Variants in IL1RAPL1 observed in about 807,000 individuals in gnomAD.
IL1RAPL1 encodes the protein interleukin-1 receptor accessory protein-like 1.
A neutral mutation model predicts 48.4 loss-of-function variants in IL1RAPL1; 3 were observed. The ratio of observed to expected loss-of-function variants is 0.06; its 90% CI spans 0.03 to 0.16. IL1RAPL1 has a LOEUF of 0.16. IL1RAPL1 is among the 10% of genes least tolerant of loss of function. The probability of loss-of-function intolerance (pLI) is 1.00; values close to 1 mark genes in which losing one functional copy is unlikely to be tolerated. For synonymous variants in IL1RAPL1, 185 were observed against 187.7 expected, an observed-to-expected ratio of 0.99 and a Z score of 0.12; for missense variants, 349 against 530.6, an observed-to-expected ratio of 0.66 and a Z score of 3.36.
intron 6 of IL1RAPL1, among the ~76,000 whole-genome samples, chrX:29,782,888 ATTTTTTTTTTTTTTTT>A (rs780831874): frequency 5.5e-4 from 17 of 31,076 alleles, no homozygotes; most frequent in East Asian, 3.0e-3. Context: ...TGATCGTGAC[ATTTTTTTTTTTTTTTT>A]TTTTTTTTTT....
intron 2 of IL1RAPL1, among the ~76,000 whole-genome samples, chrX:28,955,755 T>G (rs773254496): frequency 9.7e-6 from 1 of 102,591 alleles, no homozygotes; most frequent in African/African-American, 3.7e-5. Flanking sequence ...ATTGACTTGG[T>G]GATGCGGGCT....
rs760675468 is a variant in IL1RAPL1 at position 29,277,613 on chromosome X, G to A, written c.83-5325G>A. ...TGTTTGTTTGTTTCTCCAACAACAA[G>A]AGTTGCTGCTGCAAAGTGAGAGTCG... On this transcript the variant is annotated intron_variant, in intron 2 of 10. Coordinates refer to ENST00000378993, the MANE Select transcript of IL1RAPL1 (RefSeq NM_014271.4). 1.2e-4 allele frequency among the ~76,000 whole-genome samples: 14 copies of A among 112,072 alleles called. No individual in the cohort carries two copies. In the South Asian group the frequency reaches 4.8e-3, roughly 39 times the overall value.
At chrX:29,847,352 T>C (rs763307447) in intron 6 of IL1RAPL1, among the ~76,000 whole-genome samples, 9 of 111,832 alleles carry the variant, frequency 8.0e-5, no homozygotes, top group Non-Finnish European at 1.5e-4. Context: ...AAGCTTGACA[T>C]CAGAAGGCCT....
intron 2 of IL1RAPL1, among the ~76,000 whole-genome samples, chrX:28,919,141 A>G (rs769775214): frequency 9.0e-6 from 1 of 111,455 alleles, no homozygotes; most frequent in East Asian, 2.8e-4. Flanking sequence ...ATACTTCCCT[A>G]CGGGGACATG....
At chrX:28,605,338 C>G (rs1056056691) in intron 1 of IL1RAPL1, among the ~76,000 whole-genome samples, 3 of 112,189 alleles carry the variant, frequency 2.7e-5, no homozygotes, top group Non-Finnish European at 5.6e-5. Context: ...CTACTTTGTT[C>G]GCAATTTTCC....
intron 8 of IL1RAPL1, among the ~76,000 whole-genome samples, chrX:29,929,690 A>G (rs1307096887): frequency 1.8e-5 from 2 of 111,900 alleles, no homozygotes; most frequent in African/African-American, 6.5e-5. Context: ...AATTCATGCA[A>G]ACTAAAGTGG....
chrX:29,313,255 G>GTA (rs1289080322), intron 3 of IL1RAPL1, among the ~76,000 whole-genome samples: 1 of 78,870 alleles, frequency 1.3e-5, no homozygotes, highest in African/African-American at 4.3e-5. Context: ...ATACAAGCCT[G>GTA]TGTGTGTGTG....
intron 2 of IL1RAPL1, among the ~76,000 whole-genome samples, chrX:29,089,749 AATATATATAT>A (rs1159198583): frequency 0.022 from 368 of 16,971 alleles, 19 homozygotes; most frequent in African/African-American, 0.079. Context: ...GAGAAATATG[AATATATATAT>A]ATATATATAT....
chrX:29,592,900 G>A (rs952789384), intron 5 of IL1RAPL1, among the ~76,000 whole-genome samples: 1 of 111,660 alleles, frequency 9.0e-6, no homozygotes, highest in African/African-American at 3.3e-5. Context: ...CACTGTCACT[G>A]TAAGAAATTG....
At chrX:29,533,429 A>G (rs1468721238) in intron 5 of IL1RAPL1, among the ~76,000 whole-genome samples, 1 of 112,475 alleles carries the variant, frequency 8.9e-6, no homozygotes, top group Admixed American at 9.4e-5. Flanking sequence ...ATTGTAGCAT[A>G]TATCAACATT....
chrX:29,143,741 T>C (rs1159322958), intron 2 of IL1RAPL1, among the ~76,000 whole-genome samples: 2 of 112,245 alleles, frequency 1.8e-5, no homozygotes, highest in Non-Finnish European at 3.8e-5. Context: ...TATTTTATTA[T>C]TCGTTGTTAA....
intron 9 of IL1RAPL1, among the ~76,000 whole-genome samples, chrX:29,943,371 G>T (rs1336065168): frequency 9.0e-6 from 1 of 111,326 alleles, no homozygotes; most frequent in East Asian, 2.8e-4. Flanking sequence ...AACATCCTGA[G>T]GTCAATATTG....
intron 2 of IL1RAPL1, among the ~76,000 whole-genome samples, chrX:28,809,595 A>G (rs1936768715): frequency 9.0e-6 from 1 of 110,609 alleles, no homozygotes; most frequent in Non-Finnish European, 1.9e-5. Flanking sequence ...AGAATCATGC[A>G]GTGAGTCAAA....
chrX:29,500,857 G>A (rs766555138), intron 5 of IL1RAPL1, among the ~76,000 whole-genome samples: 1 of 110,255 alleles, frequency 9.1e-6, no homozygotes, highest in Admixed American at 9.7e-5. Context: ...TAGATAATAT[G>A]GTAGCTCTAT....
At chrX:28,708,500 G>A (rs1476329888) in intron 1 of IL1RAPL1, among the ~76,000 whole-genome samples, 1 of 111,535 alleles carries the variant, frequency 9.0e-6, no homozygotes, top group African/African-American at 3.3e-5. Flanking sequence ...ATATATCAAA[G>A]GGATACCTGT....
chrX:29,283,188 G>C lies in IL1RAPL1; in HGVS notation c.333G>C (p.Gln111His), dbSNP rs1185867220. ...DSIWFRPTLLQDSGLYACVIR... is the reference protein window; with the variant it reads ...DSIWFRPTLLHDSGLYACVIR... ...TTTGGTTCCGGCCAACATTGCTACA[G>C]GACAGTGGTCTCTACGCCTGTGTCA... Residue 111 changes from glutamine to histidine, a missense_variant, in exon 3 of 11, where the codon CAG (glutamine) becomes CAC (histidine). Transcript: ENST00000378993. 8.3e-7 allele frequency: 1 copy of C among 1,209,827 alleles called. No homozygotes were observed. Among genetic ancestry groups the C allele is most frequent in the Non-Finnish European group, 1.1e-6 (1 of 895,123 alleles).
intron 1 of IL1RAPL1, among the ~76,000 whole-genome samples, chrX:28,641,757 C>G (rs910967923): frequency 1.8e-5 from 2 of 111,414 alleles, no homozygotes; most frequent in Admixed American, 1.9e-4. Context: ...TAATGATCGC[C>G]GTTCTAACTG....
chrX:29,437,135 G>T (rs1235222773), intron 5 of IL1RAPL1, among the ~76,000 whole-genome samples: 2 of 110,918 alleles, frequency 1.8e-5, no homozygotes, highest in African/African-American at 6.5e-5. Context: ...TATTTTATTT[G>T]TGGGACTTTT....
chrX:29,566,095 T>G (rs6526884), intron 5 of IL1RAPL1, among the ~76,000 whole-genome samples: 1 of 110,199 alleles, frequency 9.1e-6, no homozygotes. Context: ...ACTACAGGCG[T>G]CCGCCACCAC....
Sources: gnomAD v4.1 joint callset for allele counts (sites outside exome capture counted in the v4.1 genomes callset) on GRCh38, gnomAD v4.1.1 for gene constraint, MANE v1.5 for transcripts, NCBI Gene and HGNC (gene_info 2026-07-23, HGNC 2026-07-21) for gene names.